PTPRA: variants seen among roughly 807,000 people sequenced by gnomAD.
PTPRA encodes receptor-type tyrosine-protein phosphatase alpha.
PTPRA carries 25 observed loss-of-function variants against 104.8 expected under a neutral mutation model. That is an observed-to-expected ratio of 0.24 (90% confidence interval 0.17 to 0.33). PTPRA has a LOEUF of 0.33. Ranked by LOEUF, PTPRA falls within the 10% of genes least tolerant of loss-of-function variation. PTPRA has a pLI of 1.00. For synonymous variants in PTPRA, 323 were observed against 368.9 expected, an observed-to-expected ratio of 0.88 and a Z score of 1.43; for missense variants, 765 against 1,015.3, an observed-to-expected ratio of 0.75 and a Z score of 3.35.
intron 9 of PTPRA, among the ~76,000 whole-genome samples, chr20:3,001,086 G>A (rs560455077): frequency 6.6e-6 from 1 of 152,084 alleles, no homozygotes; most frequent in African/African-American, 2.4e-5. Context: ...GAGATGAAAC[G>A]GTCTTCGATG....
chr20:2,989,117 A>C (rs2148151692), intron 9 of PTPRA, among the ~76,000 whole-genome samples: 1 of 152,290 alleles, frequency 6.6e-6, no homozygotes, highest in East Asian at 1.9e-4. Context: ...TGGTGATCCT[A>C]GCCTACCAGT....
At chr20:3,033,412 A>G (rs1017448107) in intron 20 of PTPRA, among the ~76,000 whole-genome samples, 14 of 151,898 alleles carry the variant, frequency 9.2e-5, no homozygotes, top group Non-Finnish European at 1.2e-4. Flanking sequence ...TCTCCAGCGT[A>G]ACTGCTGTCA....
intron 10 of PTPRA, among the ~76,000 whole-genome samples, chr20:3,005,856 T>TAATC (rs1357837039): frequency 6.6e-6 from 1 of 152,190 alleles, no homozygotes; most frequent in Non-Finnish European, 1.5e-5. Context: ...TAGCCATTGC[T>TAATC]AATCAGTTGA....
At chr20:2,940,831 G>T (rs1390013702) in intron 2 of PTPRA, among the ~76,000 whole-genome samples, 1 of 152,130 alleles carries the variant, frequency 6.6e-6, no homozygotes, top group Non-Finnish European at 1.5e-5. Flanking sequence ...AGACTTAATT[G>T]CCAGCCCTTT....
At chr20:2,926,836 G>C (rs1022260236) in intron 2 of PTPRA, among the ~76,000 whole-genome samples, 2 of 142,128 alleles carry the variant, frequency 1.4e-5, no homozygotes, top group Admixed American at 1.5e-4. Flanking sequence ...TGTCGCTCAG[G>C]CTGGAGTACA....
At chr20:2,963,746 TTTGGATTA>T (rs1334494535) in intron 3 of PTPRA, among the ~76,000 whole-genome samples, 1 of 152,084 alleles carries the variant, frequency 6.6e-6, no homozygotes, top group Non-Finnish European at 1.5e-5. Flanking sequence ...GATTTCAAAA[TTTGGATTA>T]GGGACTAGGT....
intron 2 of PTPRA, among the ~76,000 whole-genome samples, chr20:2,945,908 G>A (rs1415813592): frequency 6.6e-6 from 1 of 151,700 alleles, no homozygotes; most frequent in Non-Finnish European, 1.5e-5. Flanking sequence ...CAGCCTGGGT[G>A]ACAGAGTGAG....
At chr20:2,866,445 T>C in the PTPRA span, 2 of 1,614,166 alleles carry the variant, frequency 1.2e-6, no homozygotes, top group East Asian at 2.2e-5. Context: ...TGGCTCAGGC[T>C]GCAGATGTGG....
intron 1 of PTPRA, among the ~76,000 whole-genome samples, chr20:2,907,537 G>A (rs867376563): frequency 1.3e-5 from 2 of 152,156 alleles, no homozygotes; most frequent in Admixed American, 6.5e-5. Flanking sequence ...ACATTTTCAC[G>A]TTTTATAAAT....
chr20:2,881,504 A>G (rs2090048622), intron 1 of PTPRA, among the ~76,000 whole-genome samples: 2 of 152,104 alleles, frequency 1.3e-5, no homozygotes, highest in Admixed American at 6.6e-5. Context: ...AATTATTAAA[A>G]TTTATATTTT....
chr20:2,974,024 T>C (rs1478557665), intron 5 of PTPRA, among the ~76,000 whole-genome samples: 1 of 150,836 alleles, frequency 6.6e-6, no homozygotes, highest in East Asian at 2.0e-4. Flanking sequence ...TGATCTCTGC[T>C]CACCGCAAGC....
intron 1 of PTPRA, among the ~76,000 whole-genome samples, chr20:2,879,033 T>C (rs546363942): frequency 6.6e-6 from 1 of 152,238 alleles, no homozygotes; most frequent in Non-Finnish European, 1.5e-5. Context: ...TGCCGGAAGC[T>C]GGGGACACCC....
rs1449493179 is a variant in PTPRA at position 2,903,335 on chromosome 20, T to C, written c.-128-19872T>C. Among the ~76,000 whole-genome samples the C allele has an allele frequency of 3.9e-5, 6 of 152,314 alleles. No homozygotes were observed. In the South Asian group the frequency reaches 1.2e-3, roughly 32 times the overall value. The stretch of plus-strand genomic sequence containing the variant: ...GGAGTAAGTGAGCAAAGTTGTGTAA[T>C]GTGCCTAGCTTATAGGGAACACTTA... On this transcript the variant is annotated intron_variant, in intron 1 of 23. Transcript: ENST00000399903.
the PTPRA span, chr20:2,866,227 T>C: frequency 6.8e-6 from 11 of 1,614,048 alleles, no homozygotes; most frequent in Non-Finnish European, 9.3e-6. Context: ...TGTGGAGATC[T>C]GCATGAAACA....
At chr20:2,960,555 A>T (rs781703270) in intron 3 of PTPRA, among the ~76,000 whole-genome samples, 1 of 150,372 alleles carries the variant, frequency 6.7e-6, no homozygotes, top group African/African-American at 2.5e-5. Flanking sequence ...CCTTTTTTTT[A>T]AAAAACAAGG....
chr20:2,867,295 CA>C, the PTPRA span, among the ~76,000 whole-genome samples: 2 of 152,332 alleles, frequency 1.3e-5, no homozygotes, highest in Non-Finnish European at 2.9e-5. Context: ...CCATAGGGGT[CA>C]GGGGGTGGTG....
chr20:2,948,988 C>T (rs1205618832), intron 3 of PTPRA, among the ~76,000 whole-genome samples: 1 of 152,036 alleles, frequency 6.6e-6, no homozygotes, highest in Non-Finnish European at 1.5e-5. Flanking sequence ...AAACCATATC[C>T]CACTATCTCC....
chr20:2,923,184 A>G (rs1600116892), intron 1 of PTPRA, 23 bp from the exon 2 acceptor site: 1 of 1,028,828 alleles, frequency 9.7e-7, no homozygotes, highest in Non-Finnish European at 1.3e-6. Context: ...ATATTTCTAA[A>G]GGTATTTTTC....
chr20:2,880,377 T>A (rs2089979554), intron 1 of PTPRA, among the ~76,000 whole-genome samples: 1 of 152,224 alleles, frequency 6.6e-6, no homozygotes, highest in African/African-American at 2.4e-5. Context: ...GAACTTTGGG[T>A]GTCCTGAAGG....
Sources: gnomAD v4.1 joint callset for allele counts (sites outside exome capture counted in the v4.1 genomes callset) on GRCh38, gnomAD v4.1.1 for gene constraint, MANE v1.5 for transcripts, NCBI Gene and HGNC (gene_info 2026-07-23, HGNC 2026-07-21) for gene names.